The following FANCC variants were observed in gnomAD, a reference collection of about 807,000 sequenced individuals.
The protein encoded by FANCC is FA complementation group C, also known as Fanconi anemia group C protein.
A neutral mutation model predicts 71.3 loss-of-function variants in FANCC; 55 were observed. The observed-to-expected ratio is 0.77, with a 90% CI of 0.62 to 0.97. FANCC has a LOEUF of 0.97. FANCC is among the 50% of genes least tolerant of loss of function. The probability of loss-of-function intolerance (pLI) is 0.00; values close to 1 mark genes in which losing one functional copy is unlikely to be tolerated. For synonymous variants in FANCC, 275 were observed against 244.9 expected, an observed-to-expected ratio of 1.12 and a Z score of -1.15; for missense variants, 678 against 670.9, an observed-to-expected ratio of 1.01 and a Z score of -0.12.
At chr9:95,138,262 A>C (rs142111065) in intron 7 of FANCC, among the ~76,000 whole-genome samples, 4 of 152,306 alleles carry the variant, frequency 2.6e-5, no homozygotes, top group Non-Finnish European at 4.4e-5. Context: ...GGAGGGGTGC[A>C]AGAAGCCAGG....
intron 1 of FANCC, among the ~76,000 whole-genome samples, chr9:95,285,743 T>A (rs986043800): frequency 6.6e-6 from 1 of 152,132 alleles, no homozygotes; most frequent in African/African-American, 2.4e-5. Context: ...TTTCTGGTAA[T>A]GTAATTGGTC....
Position 95,141,593 on chromosome 9 carries a change from G to T in FANCC, c.687-6091C>A, listed in dbSNP as rs1828700736. Among the ~76,000 whole-genome samples the T allele has an allele frequency of 2.6e-5, 4 of 152,042 alleles. No individual in the cohort carries two copies. The South Asian group carries it at 8.3e-4, about 32-fold the overall frequency. On this transcript the variant is annotated intron_variant, in intron 7 of 14. Transcript: ENST00000289081. ...CTAATTTACGTTTTCATTTCCAGAG[G>T]TCTCATTTTCCTGATTTGTAAAATG...
chr9:95,297,325 A>C (rs764047639), intron 1 of FANCC, among the ~76,000 whole-genome samples: 4 of 152,318 alleles, frequency 2.6e-5, no homozygotes, highest in Non-Finnish European at 4.4e-5. Flanking sequence ...AAAGGAATAC[A>C]CTACTCGTGC....
At chr9:95,166,851 G>A (rs1189575200) in intron 6 of FANCC, among the ~76,000 whole-genome samples, 3 of 152,112 alleles carry the variant, frequency 2.0e-5, no homozygotes, top group South Asian at 2.1e-4. Context: ...TATACAACAC[G>A]GTATTATAAG....
intron 4 of FANCC, among the ~76,000 whole-genome samples, chr9:95,207,425 G>A (rs1003743092): frequency 6.6e-6 from 1 of 152,164 alleles, no homozygotes; most frequent in Non-Finnish European, 1.5e-5. Context: ...TCTGCCCAGT[G>A]ATCAAAGTCC....
chr9:95,261,063 C>T (rs1265317496), intron 1 of FANCC, among the ~76,000 whole-genome samples: 1 of 152,168 alleles, frequency 6.6e-6, no homozygotes, highest in African/African-American at 2.4e-5. Context: ...ACTGCTTTGC[C>T]CCAGAGGGCT....
Position 95,168,762 on chromosome 9 carries a change from C to T in FANCC, c.521+2317G>A, listed in dbSNP as rs56761320. ...CAGGCTCGTCTTGAACTCCTGAAAT[C>T]GGGTGATCTACCTACTTCAGCCTCC... On this transcript the variant is annotated intron_variant, in intron 6 of 14. Transcript: ENST00000289081. Among the ~76,000 whole-genome samples the T allele has an allele frequency of 3.7e-3, 569 of 152,302 alleles. 1 individual carries two copies. Among genetic ancestry groups the T allele is most frequent in the African/African-American group, 0.013 (554 of 41,568 alleles).
At chr9:95,211,941 A>C (rs1357462597) in intron 4 of FANCC, among the ~76,000 whole-genome samples, 1 of 152,084 alleles carries the variant, frequency 6.6e-6, no homozygotes, top group African/African-American at 2.4e-5. Flanking sequence ...ACACAAAGCA[A>C]AATTAAGCAG....
intron 1 of FANCC, among the ~76,000 whole-genome samples, chr9:95,261,513 CA>C (rs1326051886): frequency 6.6e-6 from 1 of 152,186 alleles, no homozygotes; most frequent in East Asian, 1.9e-4. Context: ...CATACACGCA[CA>C]GCATATACTA....
intron 14 of FANCC, among the ~76,000 whole-genome samples, chr9:95,102,215 C>T (rs2071117586): frequency 6.6e-6 from 1 of 152,218 alleles, no homozygotes; most frequent in Admixed American, 6.5e-5. Flanking sequence ...GGCAAATGAG[C>T]ATGCTGTGGC....
At chr9:95,159,205 C>T (rs957991098) in intron 6 of FANCC, among the ~76,000 whole-genome samples, 2 of 152,088 alleles carry the variant, frequency 1.3e-5, no homozygotes, top group African/African-American at 4.8e-5. Flanking sequence ...ACAACAAGCC[C>T]CAGGGTGTGA....
intron 1 of FANCC, among the ~76,000 whole-genome samples, chr9:95,279,001 C>CA (rs921373219): frequency 6.6e-6 from 1 of 150,988 alleles, no homozygotes; most frequent in African/African-American, 2.4e-5. Context: ...GCCTGGGCAA[C>CA]AAAAAATCTC....
chr9:95,298,822 ACCAT>A (rs1332090937), intron 1 of FANCC, among the ~76,000 whole-genome samples: 1 of 152,254 alleles, frequency 6.6e-6, no homozygotes, highest in Non-Finnish European at 1.5e-5. Flanking sequence ...TGAAGCGGAT[ACCAT>A]CTGTGCAGCC....
At chr9:95,206,489 T>C (rs747447940) in intron 4 of FANCC, among the ~76,000 whole-genome samples, 1 of 152,180 alleles carries the variant, frequency 6.6e-6, no homozygotes, top group Non-Finnish European at 1.5e-5. Flanking sequence ...TGAACATAAA[T>C]AGCAAGTTAT....
At chr9:95,126,281 TC>T (rs56112096) in intron 9 of FANCC, among the ~76,000 whole-genome samples, 103 of 152,360 alleles carry the variant, frequency 6.8e-4, no homozygotes, top group African/African-American at 2.3e-3. Context: ...ATTCTGTGTT[TC>T]TATTATTAGA....
intron 8 of FANCC, among the ~76,000 whole-genome samples, chr9:95,132,192 C>T (rs1051103255): frequency 6.6e-6 from 1 of 152,302 alleles, no homozygotes; most frequent in East Asian, 1.9e-4. Context: ...GCATGAGAAT[C>T]GGGTACCTTC....
intron 13 of FANCC, chr9:95,110,462 A>G (rs982991564): frequency 9.8e-5 from 101 of 1,029,288 alleles, no homozygotes; most frequent in Non-Finnish European, 1.2e-4. Context: ...GAAGAAATAA[A>G]AAGCTTTCTT....
At chr9:95,188,999 T>C (rs373826951) in intron 4 of FANCC, among the ~76,000 whole-genome samples, 1 of 152,388 alleles carries the variant, frequency 6.6e-6, no homozygotes, top group East Asian at 1.9e-4. Context: ...AATTTTCTCA[T>C]GATAGCATAT....
intron 7 of FANCC, among the ~76,000 whole-genome samples, chr9:95,136,303 G>A (rs540638966): frequency 4.9e-4 from 74 of 152,182 alleles, no homozygotes; most frequent in African/African-American, 1.7e-3. Flanking sequence ...GGAGGCTGAG[G>A]CAGGAGGATC....
Sources: gnomAD v4.1 joint callset for allele counts (sites outside exome capture counted in the v4.1 genomes callset) on GRCh38, gnomAD v4.1.1 for gene constraint, MANE v1.5 for transcripts, NCBI Gene and HGNC (gene_info 2026-07-23, HGNC 2026-07-21) for gene names.